SPAG16: variants seen among roughly 807,000 people sequenced by gnomAD.
SPAG16 encodes the protein sperm-associated antigen 16 protein.
SPAG16 carries 86 observed loss-of-function variants against 80.4 expected under a neutral mutation model. The ratio of observed to expected loss-of-function variants is 1.07; its 90% CI spans 0.90 to 1.28. The LOEUF (loss-of-function observed/expected upper bound fraction) is 1.28. SPAG16 is among the 50% of genes most tolerant of loss of function. The pLI is 0.00. For missense variants in SPAG16, 870 were observed against 765.3 expected (o/e 1.14, Z -1.61); for synonymous variants, 294 against 265.9 (o/e 1.11, Z -1.03).
chr2:214,263,760 G>A (rs1351229960), intron 15 of SPAG16, among the ~76,000 whole-genome samples: 3 of 152,096 alleles, frequency 2.0e-5, no homozygotes, highest in African/African-American at 4.8e-5. Flanking sequence ...TTTAACTCCT[G>A]TAATACAAAT....
At chr2:213,316,911 C>T (rs2063422252) in intron 4 of SPAG16, among the ~76,000 whole-genome samples, 2 of 151,956 alleles carry the variant, frequency 1.3e-5, no homozygotes, top group African/African-American at 4.8e-5. Flanking sequence ...TCACCCTCCC[C>T]ACTAGAATGG....
chr2:213,309,947 A>C, intron 3 of SPAG16, 112 bp from the exon 4 acceptor site: 1 of 663,746 alleles, frequency 1.5e-6, no homozygotes, highest in Middle Eastern at 4.3e-4. Context: ...AACAGTCAAC[A>C]AACATTGTTG....
chr2:213,324,983 A>G (rs2063782910), intron 5 of SPAG16, among the ~76,000 whole-genome samples: 1 of 152,110 alleles, frequency 6.6e-6, no homozygotes, highest in African/African-American at 2.4e-5. Context: ...TTTTCTGTAT[A>G]CAAATGATAT....
At chr2:213,901,477 A>G (rs2077217976) in intron 11 of SPAG16, among the ~76,000 whole-genome samples, 1 of 152,320 alleles carries the variant, frequency 6.6e-6, no homozygotes. Context: ...ACCATGTCTT[A>G]TAACTTTTGT....
chr2:213,720,308 A>G (rs773043867), intron 10 of SPAG16, among the ~76,000 whole-genome samples: 29 of 152,022 alleles, frequency 1.9e-4, no homozygotes, highest in Non-Finnish European at 3.1e-4. Context: ...CTGGTTCTGC[A>G]CATGTATCCC....
chr2:214,002,618 G>C (rs774932771), intron 12 of SPAG16, among the ~76,000 whole-genome samples: 2 of 152,170 alleles, frequency 1.3e-5, no homozygotes, highest in African/African-American at 2.4e-5. Flanking sequence ...CAGTGGTACA[G>C]TTCCAGTCCA....
At chr2:213,465,549 C>A (rs941017185) in intron 9 of SPAG16, among the ~76,000 whole-genome samples, 1 of 152,114 alleles carries the variant, frequency 6.6e-6, no homozygotes, top group African/African-American at 2.4e-5. Flanking sequence ...TTTAGGAGAG[C>A]CAGATTCTTA....
chr2:213,646,000 G>T (rs1226741103), intron 10 of SPAG16, among the ~76,000 whole-genome samples: 1 of 152,190 alleles, frequency 6.6e-6, no homozygotes, highest in Non-Finnish European at 1.5e-5. Context: ...TGTCAGTTGA[G>T]TTTGGTTCAG....
chr2:213,828,262 GGC>G, intron 10 of SPAG16, among the ~76,000 whole-genome samples: 1 of 151,938 alleles, frequency 6.6e-6, no homozygotes, highest in African/African-American at 2.4e-5. Flanking sequence ...CCTGTCTTTA[GGC>G]TCACTAATGC....
chr2:214,136,932 G>A (rs979673989), intron 14 of SPAG16, among the ~76,000 whole-genome samples: 1 of 152,098 alleles, frequency 6.6e-6, no homozygotes, highest in Non-Finnish European at 1.5e-5. Context: ...ACATATTGAA[G>A]GCAGCTGATG....
chr2:213,875,570 A>G (rs1487287068), intron 11 of SPAG16, among the ~76,000 whole-genome samples: 1 of 152,164 alleles, frequency 6.6e-6, no homozygotes, highest in Non-Finnish European at 1.5e-5. Context: ...TCTTGCTCTC[A>G]CACTGATTTA....
intron 10 of SPAG16, among the ~76,000 whole-genome samples, chr2:213,559,406 G>A (rs2059532012): frequency 6.6e-6 from 1 of 152,078 alleles, no homozygotes; most frequent in African/African-American, 2.4e-5. Context: ...TCATTTTTAA[G>A]GAGAAACAAG....
intron 10 of SPAG16, among the ~76,000 whole-genome samples, chr2:213,666,595 T>G (rs1010551004): frequency 6.6e-6 from 1 of 152,226 alleles, no homozygotes; most frequent in African/African-American, 2.4e-5. Flanking sequence ...TTGACAAGTT[T>G]ATTAAGCTTT....
At chr2:214,359,224 C>T (rs1699014838) in intron 15 of SPAG16, among the ~76,000 whole-genome samples, 1 of 151,588 alleles carries the variant, frequency 6.6e-6, no homozygotes. Flanking sequence ...ATTTCTATTC[C>T]CATTATATAG....
intron 10 of SPAG16, among the ~76,000 whole-genome samples, chr2:213,787,763 A>G (rs796548785): frequency 7.2e-5 from 11 of 152,182 alleles, no homozygotes; most frequent in African/African-American, 2.6e-4. Flanking sequence ...CATTGTTTTT[A>G]GGAGTGGCAG....
intron 12 of SPAG16, 101 bp from the exon 13 acceptor site, chr2:214,013,850 A>G: frequency 8.0e-7 from 1 of 1,256,972 alleles, no homozygotes; most frequent in Non-Finnish European, 1.1e-6. Flanking sequence ...TTTGCCATTA[A>G]TAAAATTATT....
intron 5 of SPAG16, among the ~76,000 whole-genome samples, chr2:213,328,271 CT>C (rs537880290): frequency 3.3e-5 from 5 of 151,926 alleles, no homozygotes; most frequent in Non-Finnish European, 7.4e-5. Context: ...TTCTGTACAA[CT>C]TTTTTTTAAA....
At chr2:213,299,723 T>G (rs938927034) in intron 3 of SPAG16, among the ~76,000 whole-genome samples, 3 of 152,176 alleles carry the variant, frequency 2.0e-5, no homozygotes, top group Non-Finnish European at 2.9e-5. Flanking sequence ...CTGAATTAAA[T>G]AATTTTCATT....
At chr2:214,230,764 G>A (rs1226856152) in intron 15 of SPAG16, among the ~76,000 whole-genome samples, 4 of 152,062 alleles carry the variant, frequency 2.6e-5, no homozygotes, top group Admixed American at 1.3e-4. Flanking sequence ...ATAGCCAAGA[G>A]AGAAGGCCAT....
Sources: allele counts gnomAD v4.1 joint callset (sites outside exome capture counted in the v4.1 genomes callset), GRCh38; gene constraint gnomAD v4.1.1; transcripts MANE v1.5; gene names NCBI Gene and HGNC (gene_info 2026-07-23, HGNC 2026-07-21).